Variants in CCDC15 observed in about 807,000 individuals in gnomAD.
CCDC15 encodes coiled-coil domain containing 15.
In CCDC15, 105 loss-of-function variants were observed where a neutral mutation model predicts 114.5. The ratio of observed to expected loss-of-function variants is 0.92; its 90% CI spans 0.78 to 1.08. CCDC15 has a LOEUF of 1.08. Among genes scored for constraint, CCDC15 ranks in the 50% least tolerant of loss-of-function variants. The probability of loss-of-function intolerance (pLI) is 0.00; values close to 1 mark genes in which losing one functional copy is unlikely to be tolerated. For missense variants in CCDC15, 1,105 were observed against 1,093.6 expected, an observed-to-expected ratio of 1.01 and a Z score of -0.15; for synonymous variants, 334 against 377.8, an observed-to-expected ratio of 0.88 and a Z score of 1.34.
In CCDC15 at chr11:124,977,962, T is replaced by C. The variant is rs79420345; in HGVS notation, c.753+362T>C. ...TTGGTGTACAGATTACTTCGTCACG[T>C]GACTTTACCTAATAGGTAGTTTTCC... is the stretch of plus-strand genomic sequence containing the variant. On this transcript the variant is annotated intron_variant, in intron 6 of 15. Coordinates refer to ENST00000344762, the MANE Select transcript of CCDC15 (RefSeq NM_025004.3). 4.5e-3 allele frequency among the ~76,000 whole-genome samples: 688 copies of C among 152,246 alleles called. 5 individuals are homozygous for C. Among genetic ancestry groups the C allele is most frequent in the African/African-American group, 0.016 (654 of 41,566 alleles).
intron 11 of CCDC15, among the ~76,000 whole-genome samples, chr11:124,999,113 T>A (rs765564166): frequency 6.6e-5 from 10 of 152,168 alleles, no homozygotes; most frequent in Admixed American, 1.3e-4. Flanking sequence ...GTTTCCAGTC[T>A]TCGATAGCAA....
intron 13 of CCDC15, among the ~76,000 whole-genome samples, chr11:125,034,584 C>A (rs576728260): frequency 6.6e-6 from 1 of 152,304 alleles, no homozygotes; most frequent in East Asian, 1.9e-4. Flanking sequence ...GAGCAACCAA[C>A]CAACTTCATT....
rs1316961507 is a variant in CCDC15 at position 124,987,496 on chromosome 11, C to G, written c.1270C>G (p.Gln424Glu). Residue 424 changes from glutamine (Q) to glutamate (E), a missense_variant, in exon 8 of 16, where the codon CAG becomes GAG. Gln to Glu is a conservative substitution (Grantham distance 29). Transcript: ENST00000344762. ...AAATCAGGCTCTTCTAACGAAAAAC[C>G]AGGATGTTTTACTCAAAGACCACTG... ...PTNQALLTKN[Q>E]DVLLKDHCVL... is the part of the protein sequence containing the mutation. The G allele has an allele frequency of 4.3e-6, 7 of 1,613,870 alleles. No individual in the cohort carries two copies. The highest frequency in any genetic ancestry group is 5.1e-6 in the Non-Finnish European group (6 of 1,179,892).
intron 13 of CCDC15, among the ~76,000 whole-genome samples, chr11:125,018,947 A>C (rs1037901455): frequency 1.3e-5 from 2 of 151,974 alleles, no homozygotes; most frequent in African/African-American, 4.8e-5. Context: ...GGCAAAAGGA[A>C]TAGCACTGCA....
intron 11 of CCDC15, among the ~76,000 whole-genome samples, chr11:125,002,074 C>G (rs571708209): frequency 6.6e-6 from 1 of 152,098 alleles, no homozygotes; most frequent in African/African-American, 2.4e-5. Context: ...TTGTTATTAT[C>G]TGTATTTTTA....
intron 13 of CCDC15, among the ~76,000 whole-genome samples, chr11:125,021,637 G>A (rs1445684298): frequency 1.3e-5 from 2 of 151,816 alleles, no homozygotes; most frequent in Non-Finnish European, 2.9e-5. Flanking sequence ...AGGAAATAGA[G>A]ACAGAAAATT....
chr11:124,986,702 C>T (rs11219862), intron 6 of CCDC15, 40 bp from the exon 7 acceptor site: 20,618 of 1,210,000 alleles, frequency 0.017, 1,091 homozygotes, highest in African/African-American at 0.026. Flanking sequence ...TGTGTGTGTG[C>T]GCGCGCGCGC....
intron 2 of CCDC15, among the ~76,000 whole-genome samples, chr11:124,956,023 G>A (rs1274868095): frequency 1.3e-5 from 2 of 152,134 alleles, no homozygotes; most frequent in African/African-American, 2.4e-5. Flanking sequence ...AGTAAGCAAG[G>A]TTCAGGATTC....
At chr11:124,963,372 T>C (rs1947709174) in intron 4 of CCDC15, among the ~76,000 whole-genome samples, 1 of 152,216 alleles carries the variant, frequency 6.6e-6, no homozygotes, top group Non-Finnish European at 1.5e-5. Context: ...TGGTTTTGAT[T>C]TACATTTCTC....
chr11:125,023,829 G>A (rs1312606827), intron 13 of CCDC15, among the ~76,000 whole-genome samples: 2 of 151,998 alleles, frequency 1.3e-5, no homozygotes, highest in Non-Finnish European at 2.9e-5. Context: ...TGGCTATAAT[G>A]TGGATAGACT....
chr11:124,993,415 CGTT>C (rs1948305599), intron 11 of CCDC15, among the ~76,000 whole-genome samples, 172 bp downstream of exon 11: 1 of 152,008 alleles, frequency 6.6e-6, no homozygotes, highest in Non-Finnish European at 1.5e-5. Flanking sequence ...AAGAATATAA[CGTT>C]CTTTTGTTCT....
chr11:125,002,401 G>C (rs528485196), intron 11 of CCDC15, among the ~76,000 whole-genome samples: 1 of 152,144 alleles, frequency 6.6e-6, no homozygotes, highest in Non-Finnish European at 1.5e-5. Flanking sequence ...TTTTAATTTT[G>C]ATAAAATCCG....
chr11:125,034,354 C>T (rs1948761250), intron 13 of CCDC15, among the ~76,000 whole-genome samples: 1 of 152,208 alleles, frequency 6.6e-6, no homozygotes, highest in African/African-American at 2.4e-5. Flanking sequence ...ACAGTAGACA[C>T]CTGGCAAGGC....
intron 13 of CCDC15, among the ~76,000 whole-genome samples, chr11:125,032,062 T>C (rs1404238602): frequency 1.3e-5 from 2 of 152,200 alleles, no homozygotes; most frequent in Non-Finnish European, 2.9e-5. Flanking sequence ...AGTCAGATTT[T>C]TTTTCCCATC....
At chr11:125,010,198 A>G (rs1948580479) in intron 13 of CCDC15, among the ~76,000 whole-genome samples, 1 of 152,032 alleles carries the variant, frequency 6.6e-6, no homozygotes, top group Non-Finnish European at 1.5e-5. Context: ...ACTTTTTACT[A>G]ATATCTGTTT....
chr11:125,026,852 A>G (rs1207958122), intron 13 of CCDC15, among the ~76,000 whole-genome samples: 2 of 152,122 alleles, frequency 1.3e-5, no homozygotes. Flanking sequence ...AGCAGTGTAC[A>G]CTGTACCCAA....
intron 4 of CCDC15, among the ~76,000 whole-genome samples, chr11:124,961,919 C>G (rs1947666880): frequency 6.6e-6 from 1 of 152,038 alleles, no homozygotes; most frequent in Non-Finnish European, 1.5e-5. Flanking sequence ...TGGAACCTTT[C>G]TAATTGGTAG....
chr11:125,026,862 A>G (rs974325999), intron 13 of CCDC15, among the ~76,000 whole-genome samples: 18 of 152,114 alleles, frequency 1.2e-4, no homozygotes, highest in South Asian at 4.1e-4. Context: ...ACTGTACCCA[A>G]TAGGTAGTCT....
At chr11:124,984,610 C>G (rs561845832) in intron 6 of CCDC15, among the ~76,000 whole-genome samples, 2 of 152,162 alleles carry the variant, frequency 1.3e-5, no homozygotes, top group Non-Finnish European at 2.9e-5. Context: ...ATTCTGCCCA[C>G]CACCTCTCTA....
Sources: gnomAD v4.1 joint callset for allele counts (sites outside exome capture counted in the v4.1 genomes callset) on GRCh38, gnomAD v4.1.1 for gene constraint, MANE v1.5 for transcripts, NCBI Gene and HGNC (gene_info 2026-07-23, HGNC 2026-07-21) for gene names.